CFAP221: variants seen among roughly 807,000 people sequenced by gnomAD.
CFAP221 encodes the protein cilia and flagella associated protein 221.
In CFAP221, 97 loss-of-function variants were observed where a neutral mutation model predicts 113.1. The ratio of observed to expected loss-of-function variants is 0.86; its 90% CI spans 0.73 to 1.02. The LOEUF (loss-of-function observed/expected upper bound fraction) is 1.02. CFAP221 is among the 50% of genes least tolerant of loss of function. The pLI is 0.00. For missense variants in CFAP221, 1,025 were observed against 1,013.4 expected, an observed-to-expected ratio of 1.01 and a Z score of -0.16; for synonymous variants, 331 against 354.4, an observed-to-expected ratio of 0.93 and a Z score of 0.74.
At chr2:119,644,520 G>A (rs1687680944) in intron 21 of CFAP221, among the ~76,000 whole-genome samples, 1 of 152,136 alleles carries the variant, frequency 6.6e-6, no homozygotes. Context: ...TACTAACAAG[G>A]ATAAGCTCTA....
chr2:119,544,535 C>G (rs1223800885), intron 1 of CFAP221, 25 bp downstream of exon 1: 1 of 152,028 alleles, frequency 6.6e-6, no homozygotes, highest in Non-Finnish European at 1.5e-5. Context: ...ACCTGGGGCC[C>G]GGGTGGCCCA....
At chr2:119,568,851 T>C (rs1221154847) in intron 6 of CFAP221, among the ~76,000 whole-genome samples, 1 of 152,186 alleles carries the variant, frequency 6.6e-6, no homozygotes, top group Non-Finnish European at 1.5e-5. Context: ...TAATTTTCTC[T>C]AAAGAACTTC....
At chr2:119,648,140 G>A (rs1362907892) in intron 22 of CFAP221, among the ~76,000 whole-genome samples, 1 of 152,128 alleles carries the variant, frequency 6.6e-6, no homozygotes, top group East Asian at 1.9e-4. Flanking sequence ...ACATAGTAAG[G>A]TTTTGATAAT....
intron 2 of CFAP221, among the ~76,000 whole-genome samples, chr2:119,548,260 A>G (rs1219805001): frequency 6.6e-6 from 1 of 152,118 alleles, no homozygotes; most frequent in Non-Finnish European, 1.5e-5. Flanking sequence ...CACCATGCCT[A>G]CCTTTTATTT....
rs1263662657 is a variant in CFAP221 at position 119,639,802 on chromosome 2, C to A, written c.2155C>A (p.His719Asn). 1 of 1,613,946 alleles carries A rather than the reference C, an allele frequency of 6.2e-7. No homozygotes were observed. The change falls in exon 21 of 24, where the codon CAC (histidine) becomes AAC (asparagine). Residue 719 changes from histidine (H) to asparagine (N), a missense_variant. Coordinates refer to ENST00000413369, the MANE Select transcript of CFAP221 (RefSeq NM_001271049.2). ...HHTDIIPGIM[H>N]WKSFQSLVLS... is the part of the protein sequence containing the mutation. ...ACAGGACATTATTCCCGGAATAATG[C>A]ACTGGAAAAGCTTCCAGTCCCTGGT...
chr2:119,596,660 C>T (rs1017792758), intron 7 of CFAP221, among the ~76,000 whole-genome samples: 9 of 152,268 alleles, frequency 5.9e-5, no homozygotes, highest in Middle Eastern at 3.4e-3. Context: ...AAAAAGCTTG[C>T]GGGAGGGAGA....
intron 22 of CFAP221, among the ~76,000 whole-genome samples, chr2:119,649,478 A>C (rs1558672568): frequency 6.6e-6 from 1 of 152,216 alleles, no homozygotes; most frequent in Non-Finnish European, 1.5e-5. Context: ...TCTTAGGTCT[A>C]GTTTAGTGAG....
At chr2:119,569,067 T>C (rs931512709) in intron 6 of CFAP221, among the ~76,000 whole-genome samples, 4 of 152,066 alleles carry the variant, frequency 2.6e-5, no homozygotes, top group African/African-American at 9.7e-5. Flanking sequence ...ATAAGTCTGA[T>C]GTAATTCTTA....
At chr2:119,549,254 A>T (rs1489097345) in intron 3 of CFAP221, 69 bp downstream of exon 3, 1 of 1,241,622 alleles carries the variant, frequency 8.1e-7, no homozygotes, top group East Asian at 2.6e-5. Context: ...AATTTATATT[A>T]TTCACTTATC....
chr2:119,554,049 A>G (rs1680609082), intron 3 of CFAP221, among the ~76,000 whole-genome samples: 1 of 152,260 alleles, frequency 6.6e-6, no homozygotes, highest in Non-Finnish European at 1.5e-5. Context: ...TCTTAATAAC[A>G]TTCTCGGAAA....
intron 19 of CFAP221, among the ~76,000 whole-genome samples, chr2:119,637,910 C>A (rs1687214954): frequency 6.6e-6 from 1 of 152,186 alleles, no homozygotes; most frequent in African/African-American, 2.4e-5. Context: ...AACCAGTGTG[C>A]TCATTTAATA....
At chr2:119,601,774 A>G (rs1684384794) in intron 8 of CFAP221, among the ~76,000 whole-genome samples, 1 of 152,236 alleles carries the variant, frequency 6.6e-6, no homozygotes, top group Non-Finnish European at 1.5e-5. Context: ...TGCTGTTTGC[A>G]GTGCCCATTG....
At chr2:119,602,028 A>G (rs1285210547) in intron 8 of CFAP221, among the ~76,000 whole-genome samples, 1 of 152,140 alleles carries the variant, frequency 6.6e-6, no homozygotes, top group African/African-American at 2.4e-5. Flanking sequence ...GTACTTTTAC[A>G]TGTCAGTACC....
chr2:119,544,877 C>T (rs1044146925), intron 1 of CFAP221, among the ~76,000 whole-genome samples: 5 of 152,078 alleles, frequency 3.3e-5, no homozygotes, highest in Admixed American at 3.3e-4. Flanking sequence ...GGCGTGGAGA[C>T]CGCCTGGCTC....
chr2:119,640,413 G>A (rs1687412094), intron 21 of CFAP221, among the ~76,000 whole-genome samples: 1 of 152,100 alleles, frequency 6.6e-6, no homozygotes, highest in Middle Eastern at 3.2e-3. Flanking sequence ...GATGAAAGAA[G>A]AAACTTAGAG....
At chr2:119,635,098 A>G (rs1687033146) in intron 19 of CFAP221, among the ~76,000 whole-genome samples, 2 of 152,256 alleles carry the variant, frequency 1.3e-5, no homozygotes, top group Non-Finnish European at 1.5e-5. Context: ...ACAGATGGCA[A>G]ATATGCACAC....
intron 14 of CFAP221, among the ~76,000 whole-genome samples, chr2:119,625,029 AAAAAG>A (rs1337982151): frequency 1.3e-5 from 2 of 152,296 alleles, no homozygotes; most frequent in East Asian, 1.9e-4. Context: ...ATTAAAAAAA[AAAAAG>A]AGCTGCTTAC....
downstream of CFAP221, among the ~76,000 whole-genome samples, chr2:119,657,204 T>C (rs1688475648): frequency 6.6e-6 from 1 of 152,216 alleles, no homozygotes; most frequent in Admixed American, 6.5e-5. Context: ...TATTTGGATG[T>C]ATTCCCTCCA....
chr2:119,549,075 G>A lies in CFAP221; in HGVS notation c.140-10G>A. 1 of 1,498,502 alleles carries A rather than the reference G, an allele frequency of 6.7e-7. No individual in the cohort carries two copies. The highest frequency in any genetic ancestry group is 1.3e-5 in the South Asian group (1 of 78,794). The allele number at this position is 1,498,502 out of a possible 1,614,324, so 92.8% of individuals were successfully genotyped here. A position where few individuals can be genotyped will look rare whatever the true frequency, so the allele number is the denominator to read the frequency against. On this transcript the variant is annotated splice_polypyrimidine_tract_variant and intron_variant, in intron 2 of 23. Coordinates refer to ENST00000413369, the MANE Select transcript of CFAP221 (RefSeq NM_001271049.2). ...GTCTCATGATGTGCTTATCTACATT[G>A]TTTTTATAGAGGTTTATGCAAAACT...
Sources: gnomAD v4.1 joint callset for allele counts (sites outside exome capture counted in the v4.1 genomes callset) on GRCh38, gnomAD v4.1.1 for gene constraint, MANE v1.5 for transcripts, NCBI Gene and HGNC (gene_info 2026-07-23, HGNC 2026-07-21) for gene names.